KCNB2: variants seen among roughly 807,000 people sequenced by gnomAD.
The protein encoded by KCNB2 is potassium voltage-gated channel subfamily B member 2, also known as delayed rectifier potassium channel protein.
A neutral mutation model predicts 61.5 loss-of-function variants in KCNB2; 15 were observed. The ratio of observed to expected loss-of-function variants is 0.24; its 90% CI spans 0.16 to 0.38. The LOEUF (loss-of-function observed/expected upper bound fraction) is 0.38, where lower values mean the gene tolerates loss of function less well. KCNB2 is among the 10% of genes least tolerant of loss of function. KCNB2 has a pLI of 1.00. For synonymous variants in KCNB2, 457 were observed against 446.0 expected, an observed-to-expected ratio of 1.02 and a Z score of -0.31; for missense variants, 828 against 1,125.2, an observed-to-expected ratio of 0.74 and a Z score of 3.78.
intron 2 of KCNB2, among the ~76,000 whole-genome samples, chr8:72,621,573 T>C (rs979756520): frequency 4.6e-5 from 7 of 152,298 alleles, no homozygotes; most frequent in African/African-American, 1.7e-4. Context: ...GGGTACATAG[T>C]AGGTGTATAT....
chr8:72,727,654 T>A (rs1366235142), intron 2 of KCNB2, among the ~76,000 whole-genome samples: 1 of 152,196 alleles, frequency 6.6e-6, no homozygotes, highest in East Asian at 1.9e-4. Flanking sequence ...TCACAAAGTA[T>A]GTGAAGGAAC....
At chr8:72,818,192 T>A (rs1208805396) in intron 2 of KCNB2, among the ~76,000 whole-genome samples, 1 of 152,014 alleles carries the variant, frequency 6.6e-6, no homozygotes, top group African/African-American at 2.4e-5. Context: ...ACAAAATCTT[T>A]AAAGAAAAAA....
intron 2 of KCNB2, among the ~76,000 whole-genome samples, chr8:72,857,531 A>G (rs1027423306): frequency 1.4e-5 from 2 of 142,650 alleles, no homozygotes; most frequent in African/African-American, 5.2e-5. Context: ...AGAGCTGAAA[A>G]TGATAAAACC....
At chr8:72,563,838 C>T (rs553727694) in intron 1 of KCNB2, among the ~76,000 whole-genome samples, 10 of 152,254 alleles carry the variant, frequency 6.6e-5, no homozygotes, top group African/African-American at 2.2e-4. Context: ...GAACTTATGC[C>T]TTTGAGCCTG....
rs139668180 is a variant in KCNB2 at position 72,719,475 on chromosome 8, T to C, written c.579+151162T>C. ...TTCCTGCTGAAAATATCCTGTTGTG[T>C]TTATTGCTAAATAGATTTCTTTAGC... On this transcript the variant is annotated intron_variant, in intron 2 of 2. Coordinates refer to ENST00000523207, the MANE Select transcript of KCNB2 (RefSeq NM_004770.3). 1.9e-3 allele frequency among the ~76,000 whole-genome samples: 288 copies of C among 152,310 alleles called. 2 individuals carry two copies. Among genetic ancestry groups the C allele is most frequent in the African/African-American group, 6.4e-3 (268 of 41,570 alleles).
intron 2 of KCNB2, among the ~76,000 whole-genome samples, chr8:72,903,259 C>A (rs1358506476): frequency 1.3e-5 from 2 of 152,052 alleles, no homozygotes; most frequent in African/African-American, 2.4e-5. Flanking sequence ...AGGGAAAGAG[C>A]CTGATACTGG....
intron 2 of KCNB2, among the ~76,000 whole-genome samples, chr8:72,815,164 A>C (rs1423882331): frequency 1.3e-5 from 2 of 152,174 alleles, no homozygotes; most frequent in Non-Finnish European, 2.9e-5. Flanking sequence ...ATTAATGCAA[A>C]TACTAAGCGC....
chr8:72,924,069 G>A (rs1806587143), intron 2 of KCNB2, among the ~76,000 whole-genome samples: 1 of 152,186 alleles, frequency 6.6e-6, no homozygotes, highest in South Asian at 2.1e-4. Flanking sequence ...GAACCAGGAT[G>A]AGGGTCAAGT....
intron 2 of KCNB2, among the ~76,000 whole-genome samples, chr8:72,833,915 A>G (rs1809737395): frequency 6.6e-6 from 1 of 152,150 alleles, no homozygotes. Flanking sequence ...CTTTTTGTAG[A>G]CTTGCATTTG....
chr8:72,653,911 A>G (rs1806250266), intron 2 of KCNB2, among the ~76,000 whole-genome samples: 1 of 152,228 alleles, frequency 6.6e-6, no homozygotes, highest in Non-Finnish European at 1.5e-5. Context: ...GAAGAGAAAG[A>G]TATCTGGGTT....
intron 1 of KCNB2, among the ~76,000 whole-genome samples, chr8:72,560,843 G>C (rs952556984): frequency 1.3e-5 from 2 of 151,892 alleles, no homozygotes; most frequent in African/African-American, 2.4e-5. Flanking sequence ...TTTTATAAAA[G>C]GCCATTTTTC....
chr8:72,643,241 C>A, intron 2 of KCNB2, among the ~76,000 whole-genome samples: 1 of 152,108 alleles, frequency 6.6e-6, no homozygotes, highest in East Asian at 1.9e-4. Context: ...AAGGAAGTGG[C>A]CATTATCGAA....
intron 2 of KCNB2, among the ~76,000 whole-genome samples, chr8:72,820,504 G>T (rs765972133): frequency 1.3e-5 from 2 of 151,964 alleles, no homozygotes; most frequent in Non-Finnish European, 2.9e-5. Context: ...TAGATAATTT[G>T]CACATAGTTA....
chr8:72,891,357 C>A (rs1194059496), intron 2 of KCNB2, among the ~76,000 whole-genome samples: 1 of 152,224 alleles, frequency 6.6e-6, no homozygotes, highest in East Asian at 1.9e-4. Context: ...ATGCAGGATG[C>A]GTTCCATAAA....
chr8:72,699,756 T>A (rs2264035), intron 2 of KCNB2, among the ~76,000 whole-genome samples: 25,314 of 152,116 alleles, frequency 0.17, 2,681 homozygotes, highest in African/African-American at 0.3. Flanking sequence ...TAATCCATTT[T>A]AAGTTAATCA....
chr8:72,649,612 A>G (rs1806183661), intron 2 of KCNB2, among the ~76,000 whole-genome samples: 1 of 152,168 alleles, frequency 6.6e-6, no homozygotes, highest in South Asian at 2.1e-4. Context: ...TAATCTTTAA[A>G]AATAAAAGGT....
chr8:72,698,420 T>C (rs757633677), intron 2 of KCNB2, among the ~76,000 whole-genome samples: 4 of 152,036 alleles, frequency 2.6e-5, no homozygotes, highest in Non-Finnish European at 5.9e-5. Flanking sequence ...TTAATATCAT[T>C]AAAATGTCCA....
chr8:72,644,752 T>C (rs1023041892), intron 2 of KCNB2, among the ~76,000 whole-genome samples: 5 of 152,240 alleles, frequency 3.3e-5, no homozygotes, highest in Admixed American at 2.0e-4. Context: ...AGGTAGTTAC[T>C]GAACTGCTCA....
At chr8:72,673,302 T>G (rs1162808436) in intron 2 of KCNB2, among the ~76,000 whole-genome samples, 2 of 152,184 alleles carry the variant, frequency 1.3e-5, no homozygotes, top group African/African-American at 2.4e-5. Context: ...AATTGAATCA[T>G]GGGAGCAGTT....
Sources: gnomAD v4.1 joint callset for allele counts (sites outside exome capture counted in the v4.1 genomes callset) on GRCh38, gnomAD v4.1.1 for gene constraint, MANE v1.5 for transcripts, NCBI Gene and HGNC (gene_info 2026-07-23, HGNC 2026-07-21) for gene names.